Variants in FRMD4A observed in about 807,000 individuals in gnomAD.
FRMD4A encodes the protein FERM domain containing 4A.
A neutral mutation model predicts 129.1 loss-of-function variants in FRMD4A; 29 were observed. The ratio of observed to expected loss-of-function variants is 0.22; its 90% CI spans 0.17 to 0.31. FRMD4A has a LOEUF of 0.31. Among genes scored for constraint, FRMD4A ranks in the 10% least tolerant of loss-of-function variants. FRMD4A has a pLI of 1.00. For synonymous variants in FRMD4A, 634 were observed against 571.6 expected (o/e 1.11, Z -1.56); for missense variants, 1,272 against 1,375.8 (o/e 0.92, Z 1.19).
At chr10:14,069,818 C>A (rs540989218) in intron 2 of FRMD4A, among the ~76,000 whole-genome samples, 10 of 152,246 alleles carry the variant, frequency 6.6e-5, no homozygotes, top group African/African-American at 2.4e-4. Flanking sequence ...ATTTGCACGG[C>A]CCATGGAACT....
At chr10:13,651,673 A>AAAAC (rs1482312949) in intron 24 of FRMD4A, 1 of 534,820 alleles carries the variant, frequency 1.9e-6, no homozygotes, top group African/African-American at 1.9e-5. Flanking sequence ...ACTCTGTCTC[A>AAAAC]AAACAAAACA....
chr10:14,270,857 A>G (rs926824128), intron 2 of FRMD4A, among the ~76,000 whole-genome samples: 1 of 152,264 alleles, frequency 6.6e-6, no homozygotes, highest in Admixed American at 6.5e-5. Context: ...CTAAACACTT[A>G]GATAGATGTG....
At chr10:14,124,146 C>T (rs541330594) in intron 2 of FRMD4A, among the ~76,000 whole-genome samples, 1 of 152,230 alleles carries the variant, frequency 6.6e-6, no homozygotes, top group South Asian at 2.1e-4. Context: ...GTCTCCAGGG[C>T]CTCTTTATTC....
chr10:14,311,112 T>A (rs1846532118), intron 2 of FRMD4A, among the ~76,000 whole-genome samples: 1 of 152,038 alleles, frequency 6.6e-6, no homozygotes, highest in African/African-American at 2.4e-5. Flanking sequence ...CTGGCTTGCA[T>A]CCCTCTGTGT....
At chr10:14,090,068 G>A (rs79295745) in intron 2 of FRMD4A, among the ~76,000 whole-genome samples, 9,885 of 152,264 alleles carry the variant, frequency 0.065, 348 homozygotes, top group African/African-American at 0.084. Flanking sequence ...AAACTCTGCC[G>A]CAGGGGCAGA....
intron 2 of FRMD4A, among the ~76,000 whole-genome samples, chr10:14,171,987 A>G (rs761346631): frequency 6.6e-6 from 1 of 152,196 alleles, no homozygotes; most frequent in Non-Finnish European, 1.5e-5. Context: ...ATCGCTGGGT[A>G]ATTTCAACAA....
chr10:14,223,938 C>T (rs985929325), intron 2 of FRMD4A, among the ~76,000 whole-genome samples: 1 of 152,138 alleles, frequency 6.6e-6, no homozygotes, highest in African/African-American at 2.4e-5. Context: ...TGCTAAGCAA[C>T]AAACTGAAAA....
intron 6 of FRMD4A, among the ~76,000 whole-genome samples, chr10:13,763,262 G>C (rs2092149142): frequency 6.6e-6 from 1 of 152,122 alleles, no homozygotes; most frequent in Admixed American, 6.5e-5. Flanking sequence ...CACTGGAATA[G>C]GGATGCTTGA....
At chr10:14,197,124 G>A (rs1589155000) in intron 2 of FRMD4A, among the ~76,000 whole-genome samples, 1 of 152,078 alleles carries the variant, frequency 6.6e-6, no homozygotes, top group Admixed American at 6.5e-5. Flanking sequence ...AATAAGGCTG[G>A]GACAAGCAGC....
chr10:13,936,596 G>A (rs568461293), intron 2 of FRMD4A, among the ~76,000 whole-genome samples: 4 of 152,298 alleles, frequency 2.6e-5, no homozygotes, highest in African/African-American at 9.6e-5. Flanking sequence ...AGAGAAGACT[G>A]CTGTCTATGA....
At chr10:14,055,267 G>T (rs1261961776) in intron 2 of FRMD4A, among the ~76,000 whole-genome samples, 1 of 152,156 alleles carries the variant, frequency 6.6e-6, no homozygotes, top group Non-Finnish European at 1.5e-5. Flanking sequence ...AGGTTTTCAG[G>T]TTACTCTGTA....
At chr10:13,902,305 T>C (rs2094828903) in intron 2 of FRMD4A, among the ~76,000 whole-genome samples, 1 of 152,066 alleles carries the variant, frequency 6.6e-6, no homozygotes, top group South Asian at 2.1e-4. Flanking sequence ...CATGAGCCAG[T>C]GTGCCAGCCT....
chr10:14,137,968 C>G (rs1839632683), intron 2 of FRMD4A, among the ~76,000 whole-genome samples: 1 of 152,134 alleles, frequency 6.6e-6, no homozygotes, highest in African/African-American at 2.4e-5. Context: ...CTGCAATCAC[C>G]CTGCCAATAA....
intron 19 of FRMD4A, among the ~76,000 whole-genome samples, chr10:13,661,647 T>C (rs9787441): frequency 0.91 from 137,727 of 152,120 alleles, 62,421 homozygotes; most frequent in Non-Finnish European, 0.93. Context: ...CACCTGGCAG[T>C]GTTCTAAAAC....
intron 2 of FRMD4A, among the ~76,000 whole-genome samples, chr10:13,951,929 T>TAATAATAATAATAATAAA (rs1554984653): frequency 0.015 from 2,142 of 145,858 alleles, 31 homozygotes; most frequent in Non-Finnish European, 0.02. Flanking sequence ...ATAATAATAA[T>TAATAATAATAATAATAAA]AAACAATCTA....
At chr10:14,176,748 A>G (rs1841744338) in intron 2 of FRMD4A, among the ~76,000 whole-genome samples, 1 of 152,182 alleles carries the variant, frequency 6.6e-6, no homozygotes, top group Non-Finnish European at 1.5e-5. Context: ...ATGGGATTAC[A>G]GGCATGAGCC....
intron 2 of FRMD4A, among the ~76,000 whole-genome samples, chr10:13,886,798 C>A (rs1881591): frequency 0.99 from 150,744 of 152,266 alleles, 74,637 homozygotes; most frequent in East Asian, 1. Context: ...GTGCGGTCTG[C>A]TACACTCACT....
chr10:14,002,430 C>T (rs1056212169), intron 2 of FRMD4A, among the ~76,000 whole-genome samples: 1 of 152,168 alleles, frequency 6.6e-6, no homozygotes, highest in Non-Finnish European at 1.5e-5. Context: ...ACACATTTTC[C>T]ACCAGAGATA....
chr10:14,015,391 TC>T (rs1431972329), intron 2 of FRMD4A, among the ~76,000 whole-genome samples: 1 of 142,666 alleles, frequency 7.0e-6, no homozygotes, highest in Non-Finnish European at 1.5e-5. Context: ...TCTCTTCCCC[TC>T]CCCTCGCCTC....
Sources: allele counts gnomAD v4.1 joint callset (sites outside exome capture counted in the v4.1 genomes callset), GRCh38; gene constraint gnomAD v4.1.1; transcripts MANE v1.5; gene names NCBI Gene and HGNC (gene_info 2026-07-23, HGNC 2026-07-21).